Variants in CCDC18 observed in about 807,000 individuals in gnomAD.
The protein encoded by CCDC18 is coiled-coil domain containing 18.
Under a neutral mutation model 196.0 loss-of-function variants are expected in CCDC18, and 157 were observed. The ratio of observed to expected loss-of-function variants is 0.80; its 90% CI spans 0.70 to 0.91. The LOEUF (loss-of-function observed/expected upper bound fraction) is 0.91, where lower values mean the gene tolerates loss of function less well. CCDC18 is among the 40% of genes least tolerant of loss of function. The pLI is 0.00. For missense variants in CCDC18, 1,465 were observed against 1,611.6 expected, an observed-to-expected ratio of 0.91 and a Z score of 1.56; for synonymous variants, 482 against 529.2, an observed-to-expected ratio of 0.91 and a Z score of 1.22.
At chr1:93,194,920 G>T (rs1383558970) in intron 6 of CCDC18, among the ~76,000 whole-genome samples, 3 of 152,178 alleles carry the variant, frequency 2.0e-5, no homozygotes, top group African/African-American at 7.2e-5. Flanking sequence ...TCGCAGGCTG[G>T]AGTGCAGTGG....
Position 93,256,480 on chromosome 1 carries a change from G to A in CCDC18, c.3488G>A (p.Arg1163Lys). The A allele has an allele frequency of 1.2e-6, 2 of 1,614,052 alleles. No individual in the cohort carries two copies. Among genetic ancestry groups the A allele is most frequent in the South Asian group, 1.1e-5 (1 of 91,078 alleles). Residue 1163 changes from arginine (R) to lysine (K), a missense_variant, in exon 25 of 29, where the codon AGA becomes AAA. Physicochemically the swap from Arg to Lys is conservative, Grantham distance 26. Transcript: ENST00000690025. Reference sequence around the variant, plus strand: ...CGTCATCAGCAAGTCCAAGCACAGAGAGAAATAGAAAGGCTCTCTAGTGAA... The same window carrying A: ...CGTCATCAGCAAGTCCAAGCACAGAAAGAAATAGAAAGGCTCTCTAGTGAA... ...EARHQQVQAQ[R>K]EIERLSSELE... is the part of the protein sequence containing the mutation.
chr1:93,229,473 T>G (rs1371273599), intron 17 of CCDC18, among the ~76,000 whole-genome samples: 1 of 152,228 alleles, frequency 6.6e-6, no homozygotes, highest in Non-Finnish European at 1.5e-5. Context: ...AAATCTGATT[T>G]GAGTAATAGT....
chr1:93,212,048 G>C, intron 10 of CCDC18, 53 bp from the exon 11 acceptor site: 3 of 1,481,596 alleles, frequency 2.0e-6, no homozygotes, highest in South Asian at 2.5e-5. Flanking sequence ...TACAGTATGA[G>C]TTTTTTTATA....
At chr1:93,180,472 GC>G, upstream of CCDC18, 1 of 1,463,612 alleles carries the variant, frequency 6.8e-7, no homozygotes, top group Non-Finnish European at 9.2e-7. Context: ...CTCAGTCTCG[GC>G]CCCCTCAGGC....
intron 21 of CCDC18, among the ~76,000 whole-genome samples, chr1:93,240,289 C>A (rs1409776593): frequency 6.6e-6 from 1 of 152,128 alleles, no homozygotes; most frequent in Non-Finnish European, 1.5e-5. Flanking sequence ...ACATATATCA[C>A]CTTTTTAATA....
intron 23 of CCDC18, among the ~76,000 whole-genome samples, chr1:93,251,892 T>G (rs1340803480): frequency 6.6e-6 from 1 of 152,220 alleles, no homozygotes; most frequent in Non-Finnish European, 1.5e-5. Context: ...AGTTCCCTTT[T>G]TAACTCCAAT....
At chr1:93,230,908 G>A (rs534703927) in intron 17 of CCDC18, among the ~76,000 whole-genome samples, 1 of 152,170 alleles carries the variant, frequency 6.6e-6, no homozygotes, top group African/African-American at 2.4e-5. Flanking sequence ...AAACAAAACA[G>A]GTGATACTGA....
rs1166289108 is a variant in CCDC18 at position 93,256,477 on chromosome 1, A to G, written c.3485A>G (p.Gln1162Arg). ...GCTCGTCATCAGCAAGTCCAAGCACAGAGAGAAATAGAAAGGCTCTCTAGT... is the reference window on the plus strand; with the variant it reads ...GCTCGTCATCAGCAAGTCCAAGCACGGAGAGAAATAGAAAGGCTCTCTAGT... ...AEARHQQVQA[Q>R]REIERLSSEL... The change falls in exon 25 of 29, where the codon CAG (glutamine) becomes CGG (arginine). Residue 1162 changes from glutamine (Q) to arginine (R), a missense_variant. Physicochemically the swap from Gln to Arg is conservative, Grantham distance 43 (BLOSUM62 1). Coordinates refer to ENST00000690025, the MANE Select transcript of CCDC18 (RefSeq NM_001378204.1). 1.2e-6 allele frequency: 2 copies of G among 1,614,136 alleles called. No homozygotes were observed.
chr1:93,190,045 G>A (rs1651456857), intron 4 of CCDC18, among the ~76,000 whole-genome samples: 1 of 151,778 alleles, frequency 6.6e-6, no homozygotes, highest in Non-Finnish European at 1.5e-5. Flanking sequence ...TACTTTTTTC[G>A]GTTTCTGAAG....
At chr1:93,274,120 G>A (rs1037454741) in intron 28 of CCDC18, among the ~76,000 whole-genome samples, 6 of 151,956 alleles carry the variant, frequency 3.9e-5, no homozygotes, top group Admixed American at 1.3e-4. Context: ...AAGAGTAGGA[G>A]TTAGCCAGGC....
At chr1:93,217,944 G>T in intron 14 of CCDC18, 75 bp downstream of exon 14, 1 of 1,239,442 alleles carries the variant, frequency 8.1e-7, no homozygotes, top group Non-Finnish European at 1.1e-6. Context: ...TTTTTATTTT[G>T]TAGACGAGGA....
chr1:93,216,773 T>C (rs765250386), intron 13 of CCDC18, 27 bp downstream of exon 13: 18 of 1,217,900 alleles, frequency 1.5e-5, no homozygotes, highest in Non-Finnish European at 2.1e-5. Flanking sequence ...TTCCTACAAA[T>C]TTACTGTGAT....
chr1:93,215,115 T>A lies in CCDC18; in HGVS notation c.1719+149T>A, dbSNP rs1053856823. On this transcript the variant is annotated intron_variant, in intron 12 of 28. Transcript: ENST00000690025. ...CATAAGTTATAAATTGTTTTAAAATTATATTTGGAAACCTTTGTATTTTAA... is the reference window on the plus strand; with the variant it reads ...CATAAGTTATAAATTGTTTTAAAATAATATTTGGAAACCTTTGTATTTTAA... The A allele has an allele frequency of 3.7e-5, 19 of 513,716 alleles. No individual in the cohort carries two copies. The African/African-American group carries it at 3.7e-4, about 10-fold the overall frequency. 31.8% of individuals were successfully genotyped at this position (513,716 alleles called of 1,614,324 possible).
chr1:93,219,321 G>A (rs1276767154), intron 14 of CCDC18, among the ~76,000 whole-genome samples: 1 of 151,952 alleles, frequency 6.6e-6, no homozygotes, highest in Non-Finnish European at 1.5e-5. Flanking sequence ...ACCTCAGCAT[G>A]CAGTTTTTTT....
At chr1:93,257,986 C>T (rs1663240676) in intron 25 of CCDC18, among the ~76,000 whole-genome samples, 1 of 151,682 alleles carries the variant, frequency 6.6e-6, no homozygotes, top group Non-Finnish European at 1.5e-5. Context: ...TCTTTCACCA[C>T]ACTATATTCC....
chr1:93,264,448 T>A (rs1664225089), intron 26 of CCDC18, among the ~76,000 whole-genome samples: 1 of 152,212 alleles, frequency 6.6e-6, no homozygotes, highest in Non-Finnish European at 1.5e-5. Flanking sequence ...TATAGTTTAT[T>A]TGTTCAAATC....
chr1:93,213,995 T>C (rs1032589937), intron 11 of CCDC18, among the ~76,000 whole-genome samples: 2 of 152,252 alleles, frequency 1.3e-5, no homozygotes, highest in Non-Finnish European at 2.9e-5. Context: ...ATCTACATTA[T>C]GCTTTTTAAA....
rs564831889 is a variant in CCDC18, at chr1:93,228,528, C to T, written c.2292+2079C>T. Among the ~76,000 whole-genome samples the T allele has an allele frequency of 8.6e-5, 13 of 150,928 alleles. No homozygotes were observed. The South Asian group carries it at 2.5e-3, about 29-fold the overall frequency. On this transcript the variant is annotated intron_variant, in intron 17 of 28. Transcript: ENST00000690025. ...AGTTTAAAAAAAAAAAAAAAAACTT[C>T]AGATTTAATACGGTCATGTCTTCTT...
At chr1:93,234,936 A>T (rs2209562) in intron 18 of CCDC18, among the ~76,000 whole-genome samples, 12,440 of 119,338 alleles carry the variant, frequency 0.1, 872 homozygotes, top group East Asian at 0.29. Context: ...CCCAGCTAAG[A>T]GTGTGTGTGT....
Sources: gnomAD v4.1 joint callset for allele counts (sites outside exome capture counted in the v4.1 genomes callset) on GRCh38, gnomAD v4.1.1 for gene constraint, MANE v1.5 for transcripts, NCBI Gene and HGNC (gene_info 2026-07-23, HGNC 2026-07-21) for gene names.